Variants in ST3GAL3 observed in about 807,000 individuals in gnomAD.
ST3GAL3 encodes ST3 beta-galactoside alpha-2,3-sialyltransferase 3, also known as CMP-N-acetylneuraminate-beta-1,4-galactoside alpha-2,3-sialyltransferase.
A neutral mutation model predicts 50.1 loss-of-function variants in ST3GAL3; 21 were observed. The ratio of observed to expected loss-of-function variants is 0.42; its 90% CI spans 0.30 to 0.60. ST3GAL3 has a LOEUF of 0.60. ST3GAL3 is among the 20% of genes least tolerant of loss of function. The pLI, the probability that ST3GAL3 is intolerant of heterozygous loss-of-function variation, is 0.19. For synonymous variants in ST3GAL3, 183 were observed against 190.0 expected, an observed-to-expected ratio of 0.96 and a Z score of 0.30; for missense variants, 353 against 489.4, an observed-to-expected ratio of 0.72 and a Z score of 2.63.
intron 4 of ST3GAL3, among the ~76,000 whole-genome samples, chr1:43,816,041 T>G (rs2061204188): frequency 6.6e-6 from 1 of 152,200 alleles, no homozygotes; most frequent in Non-Finnish European, 1.5e-5. Context: ...TGGCCGATGC[T>G]CAATAAATCC....
rs571787555 is a variant in ST3GAL3 at position 43,904,953 on chromosome 1, C to T, written c.744+5226C>T. 1.1e-3 allele frequency among the ~76,000 whole-genome samples: 8 copies of T among 7,044 alleles called. 2 individuals carry two copies. The highest frequency in any genetic ancestry group is 1.4e-3 in the Non-Finnish European group (5 of 3,688). The allele number at this position is 7,044 out of a possible 152,430, so 4.6% of individuals were successfully genotyped here. On this transcript the variant is annotated intron_variant, in intron 9 of 11. Transcript: ENST00000347631. ...TTCCTCCCCTTCCTCCTTTCTGCCA[C>T]TCTTCCTCCCCTTCCTGCTCCTCTT...
intron 4 of ST3GAL3, among the ~76,000 whole-genome samples, chr1:43,815,942 A>T (rs1346903114): frequency 6.7e-6 from 1 of 149,494 alleles, no homozygotes; most frequent in South Asian, 2.1e-4. Context: ...TGATGGTAGG[A>T]TGACTGCGTA....
chr1:43,837,581 G>A (rs1460936372), intron 4 of ST3GAL3, among the ~76,000 whole-genome samples: 2 of 152,176 alleles, frequency 1.3e-5, no homozygotes, highest in Non-Finnish European at 2.9e-5. Context: ...CAAAGCCTGA[G>A]TAGCTGTATT....
At chr1:43,824,583 C>T (rs1286598388) in intron 4 of ST3GAL3, 1 of 936,176 alleles carries the variant, frequency 1.1e-6, no homozygotes, top group Non-Finnish European at 1.7e-6. Context: ...ACTTACTTCA[C>T]AACAGGAGAG....
intron 1 of ST3GAL3, among the ~76,000 whole-genome samples, chr1:43,726,712 A>G (rs577015230): frequency 6.6e-6 from 1 of 152,334 alleles, no homozygotes; most frequent in East Asian, 1.9e-4. Context: ...CTTCTGCCTC[A>G]GCCACACAAG....
chr1:43,925,876 TGA>T (rs1026690018), intron 11 of ST3GAL3, among the ~76,000 whole-genome samples: 2 of 152,228 alleles, frequency 1.3e-5, no homozygotes, highest in African/African-American at 4.8e-5. Context: ...AGATGAGGGC[TGA>T]GAGGTGGCCG....
chr1:43,806,449 G>A (rs368070332), intron 3 of ST3GAL3, among the ~76,000 whole-genome samples: 1 of 152,090 alleles, frequency 6.6e-6, no homozygotes, highest in African/African-American at 2.4e-5. Flanking sequence ...TGACGGGATA[G>A]GGAGGGGAAC....
intron 3 of ST3GAL3, among the ~76,000 whole-genome samples, chr1:43,812,560 C>T (rs1558410763): frequency 1.3e-5 from 2 of 152,240 alleles, no homozygotes; most frequent in Non-Finnish European, 2.9e-5. Context: ...CTCCCAGGCT[C>T]ACGCCATCCT....
Position 43,920,536 on chromosome 1 carries a change from C to T in ST3GAL3, c.877C>T (p.Leu293Phe), listed in dbSNP as rs2082852539. The T allele has an allele frequency of 8.1e-6, 13 of 1,614,100 alleles. No individual in the cohort carries two copies. The highest frequency in any genetic ancestry group is 2.2e-5 in the South Asian group (2 of 91,088). The change falls in exon 10 of 12, where the codon CTC (leucine) becomes TTC (phenylalanine). Residue 293 changes from leucine to phenylalanine, a missense_variant. Coordinates refer to ENST00000347631, the MANE Select transcript of ST3GAL3 (RefSeq NM_006279.5). ...CATTGGCCTGCCCTTCAACAATGGC[C>T]TCATGGGCCGGGGGGTGAGATATCT... ...TLIGLPFNNG[L>F]MGRGNIPTLG...
chr1:43,759,061 GCGCGCACACACACA>G, intron 2 of ST3GAL3, among the ~76,000 whole-genome samples: 1 of 76,574 alleles, frequency 1.3e-5, no homozygotes, highest in African/African-American at 8.6e-5. Context: ...AAACAAAAGC[GCGCGCACACACACA>G]CACACACACA....
At chr1:43,815,467 C>T (rs1052931608) in intron 4 of ST3GAL3, among the ~76,000 whole-genome samples, 1 of 152,194 alleles carries the variant, frequency 6.6e-6, no homozygotes, top group Admixed American at 6.5e-5. Flanking sequence ...ACTACTTCCT[C>T]CCCACACAAA....
intron 2 of ST3GAL3, among the ~76,000 whole-genome samples, chr1:43,749,463 ACAAC>A (rs1685160806): frequency 6.6e-6 from 1 of 152,196 alleles, no homozygotes; most frequent in African/African-American, 2.4e-5. Flanking sequence ...AAGGAGGCAA[ACAAC>A]CTAGTTAAGG....
chr1:43,734,297 CTTTTTTTTTTGTTT>C (rs1317184195), intron 1 of ST3GAL3, among the ~76,000 whole-genome samples: 4 of 114,424 alleles, frequency 3.5e-5, no homozygotes, highest in African/African-American at 1.3e-4. Context: ...TCTTCTTCTT[CTTTTTTTTTTGTTT>C]TTTTTTTTTT....
chr1:43,898,277 G>A lies in ST3GAL3; in HGVS notation c.440G>A (p.Arg147His), dbSNP rs138616798. Residue 147 changes from arginine to histidine, a missense_variant, in exon 7 of 12, where the codon CGC becomes CAC. Transcript: ENST00000347631. ...ATCTTGTCAGTCACCAAAGAGTACC[G>A]CCTGACCCCTGCCTTGGACAGGTGA... ...KAILSVTKEY[R>H]LTPALDSLRC... 28 of 1,613,554 alleles carry A rather than the reference G, an allele frequency of 1.7e-5. No individual in the cohort carries two copies. The highest frequency in any genetic ancestry group is 4.4e-5 in the South Asian group (4 of 91,090).
At chr1:43,885,620 G>A (rs1002201228) in intron 5 of ST3GAL3, among the ~76,000 whole-genome samples, 4 of 152,346 alleles carry the variant, frequency 2.6e-5, no homozygotes, top group East Asian at 1.9e-4. Flanking sequence ...TGGCACACTG[G>A]TCTGGACGGA....
chr1:43,831,883 G>A (rs960829792), intron 4 of ST3GAL3: 5 of 152,142 alleles, frequency 3.3e-5, no homozygotes, highest in African/African-American at 1.2e-4. Flanking sequence ...GGCTTCTCCT[G>A]GACTCCTTCA....
intron 2 of ST3GAL3, among the ~76,000 whole-genome samples, chr1:43,740,233 C>G (rs865896505): frequency 3.3e-5 from 5 of 151,590 alleles, no homozygotes; most frequent in Admixed American, 6.6e-5. Context: ...TGTGGTGGCG[C>G]GCCCCTGTAG....
intron 6 of ST3GAL3, among the ~76,000 whole-genome samples, chr1:43,894,779 A>G (rs2077154888): frequency 6.6e-6 from 1 of 151,824 alleles, no homozygotes; most frequent in African/African-American, 2.4e-5. Flanking sequence ...ATAGGCACGC[A>G]CCACCATGCC....
chr1:43,730,778 A>G (rs559439695), intron 1 of ST3GAL3, among the ~76,000 whole-genome samples: 36 of 151,496 alleles, frequency 2.4e-4, no homozygotes, highest in Non-Finnish European at 4.0e-4. Flanking sequence ...ACTATGTTGC[A>G]CAGGCTGGTC....
Sources: gnomAD v4.1 joint callset for allele counts (sites outside exome capture counted in the v4.1 genomes callset) on GRCh38, gnomAD v4.1.1 for gene constraint, MANE v1.5 for transcripts, NCBI Gene and HGNC (gene_info 2026-07-23, HGNC 2026-07-21) for gene names.